The following TRPC6 variants were observed in gnomAD, a reference collection of about 807,000 sequenced individuals.
TRPC6 encodes the protein transient receptor potential cation channel subfamily C member 6.
TRPC6 carries 55 observed loss-of-function variants against 90.7 expected under a neutral mutation model. That is an observed-to-expected ratio of 0.61 (90% CI 0.49 to 0.76). The LOEUF is 0.76. Among genes scored for constraint, TRPC6 ranks in the 30% least tolerant of loss-of-function variants. TRPC6 has a pLI of 0.00. For synonymous variants in TRPC6, 393 were observed against 393.0 expected (o/e 1.00, Z 0.00); for missense variants, 989 against 1,122.7 (o/e 0.88, Z 1.70).
At position 101,467,847 on chromosome 11, in the gene TRPC6, G is replaced by A. The variant is rs79742982; in HGVS notation, c.2484+1580C>T. Among the ~76,000 whole-genome samples the A allele has an allele frequency of 1.9e-4, 29 of 152,288 alleles. No individual in the cohort carries two copies. In the East Asian group the frequency reaches 5.2e-3, roughly 27 times the overall value. ...AAATGTGGCCTGAGGGCTATGGCTT[G>A]TTGACCCCCATACACTAGCCTCCTA... is the stretch of plus-strand genomic sequence containing the variant. On this transcript the variant is annotated intron_variant, in intron 10 of 12. Transcript: ENST00000344327.
At chr11:101,513,433 G>A (rs1591101712) in intron 1 of TRPC6, among the ~76,000 whole-genome samples, 1 of 152,078 alleles carries the variant, frequency 6.6e-6, no homozygotes, top group African/African-American at 2.4e-5. Context: ...GGTGATGGGT[G>A]CACTAAAATC....
At chr11:101,561,858 A>G (rs981413497) in intron 1 of TRPC6, among the ~76,000 whole-genome samples, 1 of 150,548 alleles carries the variant, frequency 6.6e-6, no homozygotes, top group Non-Finnish European at 1.5e-5. Flanking sequence ...ATTAGTTTAT[A>G]TATTTATACA....
rs1296348724 is a variant in TRPC6, at chr11:101,452,925, T to C, written c.*30A>G. The C allele has an allele frequency of 6.2e-7, 1 of 1,612,806 alleles. No homozygotes were observed. The highest frequency in any genetic ancestry group is 1.1e-5 in the South Asian group (1 of 91,032). ...AATAATATGGCTTCAAGTGGACAAA[T>C]AAATATGAATTTCTAAGGAAGTCTT... is the stretch of plus-strand genomic sequence containing the variant. On this transcript the variant is annotated 3_prime_UTR_variant, in exon 13 of 13. Transcript: ENST00000344327.
chr11:101,541,041 CAG>C (rs1861158108), intron 1 of TRPC6, among the ~76,000 whole-genome samples: 1 of 152,182 alleles, frequency 6.6e-6, no homozygotes, highest in South Asian at 2.1e-4. Flanking sequence ...CGTAGGCTAA[CAG>C]AGTCAGGATG....
intron 1 of TRPC6, among the ~76,000 whole-genome samples, chr11:101,547,714 T>C (rs550156793): frequency 2.6e-5 from 4 of 152,290 alleles, no homozygotes; most frequent in African/African-American, 9.6e-5. Context: ...TTCTGACTTG[T>C]GTCCTAGAAA....
intron 1 of TRPC6, among the ~76,000 whole-genome samples, chr11:101,549,813 AAATAT>A (rs1861411813): frequency 6.6e-6 from 1 of 151,448 alleles, no homozygotes; most frequent in Non-Finnish European, 1.5e-5. Flanking sequence ...AATTTCATGT[AAATAT>A]AATACAATTT....
At chr11:101,465,193 C>T (rs1221618515) in intron 10 of TRPC6, among the ~76,000 whole-genome samples, 2 of 151,990 alleles carry the variant, frequency 1.3e-5, no homozygotes, top group African/African-American at 4.8e-5. Context: ...GTGGGTAACC[C>T]AATCTTTCTC....
At chr11:101,518,462 A>G (rs1860573890) in intron 1 of TRPC6, among the ~76,000 whole-genome samples, 1 of 152,246 alleles carries the variant, frequency 6.6e-6, no homozygotes, top group South Asian at 2.1e-4. Flanking sequence ...ATCATTGATC[A>G]TCAGAGAAAT....
chr11:101,512,189 ACTCTT>A (rs934937781), intron 1 of TRPC6, among the ~76,000 whole-genome samples: 3 of 151,744 alleles, frequency 2.0e-5, no homozygotes, highest in Non-Finnish European at 4.4e-5. Context: ...CTCCTCACGA[ACTCTT>A]CTCATTTCTT....
At chr11:101,547,574 C>T (rs541768717) in intron 1 of TRPC6, among the ~76,000 whole-genome samples, 9 of 152,274 alleles carry the variant, frequency 5.9e-5, no homozygotes, top group Non-Finnish European at 1.3e-4. Flanking sequence ...ACCATGCCCC[C>T]AGTATATCAA....
intron 1 of TRPC6, among the ~76,000 whole-genome samples, chr11:101,546,238 A>AT (rs538773437): frequency 9.3e-6 from 1 of 107,126 alleles, no homozygotes; most frequent in African/African-American, 3.7e-5. Context: ...CGCCCGGCTA[A>AT]TTTTTTTGTA....
At chr11:101,520,131 G>C (rs1386959040) in intron 1 of TRPC6, among the ~76,000 whole-genome samples, 3 of 152,034 alleles carry the variant, frequency 2.0e-5, no homozygotes, top group African/African-American at 7.2e-5. Context: ...TGTTGAGGAA[G>C]GGGCCTGGTG....
intron 10 of TRPC6, 176 bp from the exon 11 acceptor site, chr11:101,455,277 T>C: frequency 1.7e-6 from 1 of 585,870 alleles, no homozygotes; most frequent in Non-Finnish European, 3.0e-6. Context: ...ACATTTTAGG[T>C]GTGTTCAGTT....
Position 101,504,238 on chromosome 11 carries a change from C to T in TRPC6, c.731G>A (p.Arg244Lys), listed in dbSNP as rs1318887817. The change falls in exon 2 of 13, where the codon AGG (arginine) becomes AAG (lysine). Residue 244 changes from arginine to lysine, a missense_variant. By Grantham distance (26) the Arg-to-Lys change is conservative. Transcript: ENST00000344327. ...GAAATAATCATGAGGCCGTTCAATC[C>T]TAGCACCCTTCCGCAGGAGGGTATG... ...IVHTLLRKGA[R>K]IERPHDYFCK... 1 of 1,614,114 alleles carries T rather than the reference C, an allele frequency of 6.2e-7. No individual in the cohort carries two copies. Among genetic ancestry groups the T allele is most frequent in the Admixed American group, 1.7e-5 (1 of 60,000 alleles).
chr11:101,571,509 G>T (rs1565251108), intron 1 of TRPC6, among the ~76,000 whole-genome samples: 1 of 152,084 alleles, frequency 6.6e-6, no homozygotes, highest in African/African-American at 2.4e-5. Flanking sequence ...CACAGAATTG[G>T]AAAAAACTAA....
chr11:101,545,708 G>C (rs1040487061), intron 1 of TRPC6, among the ~76,000 whole-genome samples: 7 of 152,098 alleles, frequency 4.6e-5, no homozygotes, highest in Admixed American at 6.6e-5. Context: ...AACACATTAG[G>C]AGTTGCCCCC....
Position 101,583,605 on chromosome 11 carries a change from G to A in TRPC6, c.-102C>T. 1 of 1,275,884 alleles carries A rather than the reference G, an allele frequency of 7.8e-7. No homozygotes were observed. Among genetic ancestry groups the A allele is most frequent in the South Asian group, 1.8e-5 (1 of 55,900 alleles). The allele number at this position is 1,275,884 out of a possible 1,614,324, so 79.0% of individuals were successfully genotyped here. On this transcript the variant is annotated 5_prime_UTR_variant, in exon 1 of 13. Transcript: ENST00000344327. Reference sequence around the variant, plus strand: ...AGGGTTCGCGTCAGCGGCCGAACTGGACCTGGGCAGACCGGTGCCCAGGGG... The same window carrying A: ...AGGGTTCGCGTCAGCGGCCGAACTGAACCTGGGCAGACCGGTGCCCAGGGG...
intron 1 of TRPC6, among the ~76,000 whole-genome samples, chr11:101,530,735 C>G (rs1000522677): frequency 6.6e-6 from 1 of 152,198 alleles, no homozygotes; most frequent in African/African-American, 2.4e-5. Flanking sequence ...CCCCTGGTAA[C>G]AGGCCTGCCA....
intron 1 of TRPC6, among the ~76,000 whole-genome samples, chr11:101,537,164 C>T (rs1861068966): frequency 6.6e-6 from 1 of 152,132 alleles, no homozygotes; most frequent in Non-Finnish European, 1.5e-5. Flanking sequence ...AGATAATATT[C>T]AAAATAGTAC....
Sources: allele counts gnomAD v4.1 joint callset (sites outside exome capture counted in the v4.1 genomes callset), GRCh38; gene constraint gnomAD v4.1.1; transcripts MANE v1.5; gene names NCBI Gene and HGNC (gene_info 2026-07-23, HGNC 2026-07-21).